The following ZNF280D variants were observed in gnomAD, a reference collection of about 807,000 sequenced individuals.
The protein encoded by ZNF280D is suppressor of hairy wing homolog 4.
ZNF280D carries 39 observed loss-of-function variants against 94.7 expected under a neutral mutation model. That is an observed-to-expected ratio of 0.41 (90% CI 0.32 to 0.54). The LOEUF (loss-of-function observed/expected upper bound fraction) is 0.54. Among genes scored for constraint, ZNF280D ranks in the 20% least tolerant of loss-of-function variants. The pLI, the probability that ZNF280D is intolerant of heterozygous loss-of-function variation, is 0.22. For missense variants in ZNF280D, 1,090 were observed against 1,149.3 expected, an observed-to-expected ratio of 0.95 and a Z score of 0.75; for synonymous variants, 398 against 377.6, an observed-to-expected ratio of 1.05 and a Z score of -0.63.
chr15:56,690,591 T>C (rs900775275), intron 7 of ZNF280D, among the ~76,000 whole-genome samples: 14 of 152,208 alleles, frequency 9.2e-5, no homozygotes, highest in African/African-American at 3.4e-4. Context: ...AAGGATTTCA[T>C]TCCTAAAAAT....
chr15:56,648,853 C>G (rs1256022191), intron 19 of ZNF280D, among the ~76,000 whole-genome samples: 1 of 151,976 alleles, frequency 6.6e-6, no homozygotes, highest in Non-Finnish European at 1.5e-5. Flanking sequence ...TTTAGTATAC[C>G]ATGTTTCCAC....
At chr15:56,689,857 T>A (rs2056320278) in intron 7 of ZNF280D, among the ~76,000 whole-genome samples, 1 of 151,932 alleles carries the variant, frequency 6.6e-6, no homozygotes, top group Non-Finnish European at 1.5e-5. Context: ...TACACTAGAG[T>A]TTGTAAAAAA....
chr15:56,704,464 T>C (rs2057278491), intron 3 of ZNF280D, among the ~76,000 whole-genome samples, 197 bp from the exon 4 acceptor site: 1 of 152,190 alleles, frequency 6.6e-6, no homozygotes, highest in African/African-American at 2.4e-5. Flanking sequence ...TAGTAAAATT[T>C]AGATAAACAG....
intron 6 of ZNF280D, chr15:56,700,110 C>A: frequency 2.5e-6 from 2 of 786,120 alleles, no homozygotes; most frequent in Non-Finnish European, 3.1e-6. Flanking sequence ...CTTGGGGAAC[C>A]CCAGGGGATT....
chr15:56,673,794 C>G (rs1245728990), intron 13 of ZNF280D, among the ~76,000 whole-genome samples: 2 of 152,024 alleles, frequency 1.3e-5, no homozygotes, highest in African/African-American at 4.8e-5. Context: ...CACCTCACTG[C>G]CTATATAATG....
Position 56,682,486 on chromosome 15 carries a change from GAAAAA to G in ZNF280D, c.781-14_781-10del, listed in dbSNP as rs760502258. ...ATGTCTGGACAACAATACTGAAAGA[GAAAAA>G]AAAAAAAAAAAAACAAGCCTTACTT... On this transcript the variant is annotated splice_polypyrimidine_tract_variant and intron_variant, in intron 9 of 21. Transcript: ENST00000267807. The G allele has an allele frequency of 1.3e-4, 64 of 506,644 alleles. No homozygotes were observed. The highest frequency in any genetic ancestry group is 2.0e-4 in the South Asian group (5 of 24,794). 31.4% of individuals were successfully genotyped at this position (506,644 alleles called of 1,614,324 possible).
Position 56,692,183 on chromosome 15 carries a change from C to T in ZNF280D, c.499+915G>A, listed in dbSNP as rs533671769. 3.3e-5 allele frequency among the ~76,000 whole-genome samples: 5 copies of T among 151,960 alleles called. No homozygotes were observed. In the South Asian group the frequency reaches 1.0e-3, roughly 32 times the overall value. ...TCTCCCTGTTTCTTTTGGTTCTTAC[C>T]TATTTCACAAACCAGATTGTTACTA... On this transcript the variant is annotated intron_variant, in intron 7 of 21. Transcript: ENST00000267807.
chr15:56,706,953 A>T, intron 3 of ZNF280D, 129 bp downstream of exon 3: 1 of 799,828 alleles, frequency 1.3e-6, no homozygotes, highest in Non-Finnish European at 2.1e-6. Flanking sequence ...TTATGTGAAC[A>T]TTTGTTACTT....
At chr15:56,648,385 G>C (rs1209579433) in intron 19 of ZNF280D, among the ~76,000 whole-genome samples, 1 of 152,006 alleles carries the variant, frequency 6.6e-6, no homozygotes, top group Admixed American at 6.6e-5. Context: ...CCAATCGTAT[G>C]ATTGTGTCAG....
intron 4 of ZNF280D, among the ~76,000 whole-genome samples, chr15:56,703,770 C>T (rs1228246263): frequency 6.6e-6 from 1 of 151,986 alleles, no homozygotes; most frequent in Admixed American, 6.6e-5. Context: ...GGGAGGATCG[C>T]TTGAGCCAAG....
At position 56,725,031 on chromosome 15, in the gene ZNF280D, T is replaced by C. The variant is rs1400654467; in HGVS notation, c.-86+8427A>G. On this transcript the variant is annotated intron_variant, in intron 1 of 21. Coordinates refer to ENST00000267807, the MANE Select transcript of ZNF280D (RefSeq NM_017661.4). ...CAGAGCAAGTAAAAAAAGCAAGAGATACGACAGAGATTAGGATTATACCTA... is the reference window on the plus strand; with the variant it reads ...CAGAGCAAGTAAAAAAAGCAAGAGACACGACAGAGATTAGGATTATACCTA... 1.7e-5 allele frequency: 6 copies of C among 352,970 alleles called. No homozygotes were observed. The East Asian group carries it at 3.0e-4, about 17-fold the overall frequency. The allele number at this position is 352,970 out of a possible 1,614,324, so 21.9% of individuals were successfully genotyped here. A position where few individuals can be genotyped will look rare whatever the true frequency, so the allele number is the denominator to read the frequency against.
intron 19 of ZNF280D, chr15:56,653,799 C>A: frequency 7.9e-7 from 1 of 1,262,598 alleles, no homozygotes; most frequent in Non-Finnish European, 9.9e-7. Flanking sequence ...AAGAAAAGAC[C>A]ATAGCAACAA....
chr15:56,731,101 G>A (rs959222732), intron 1 of ZNF280D, among the ~76,000 whole-genome samples: 2 of 152,134 alleles, frequency 1.3e-5, no homozygotes, highest in Non-Finnish European at 2.9e-5. Flanking sequence ...TCCAAGTTTA[G>A]AGAAAACAGA....
At chr15:56,662,942 G>A (rs945474701) in intron 16 of ZNF280D, among the ~76,000 whole-genome samples, 1 of 151,672 alleles carries the variant, frequency 6.6e-6, no homozygotes, top group Non-Finnish European at 1.5e-5. Flanking sequence ...GGAAGGAACA[G>A]GGTATTCTGG....
rs1240655258 is a variant in ZNF280D, at chr15:56,707,070, A to C, written c.28+12T>G. 6.2e-7 allele frequency: 1 copy of C among 1,613,728 alleles called. No individual in the cohort carries two copies. The highest frequency in any genetic ancestry group is 8.5e-7 in the Non-Finnish European group (1 of 1,179,710). On this transcript the variant is annotated intron_variant, in intron 3 of 21. Transcript: ENST00000267807. ...CACATATATTAGTATTAGTTGTGGCAGCAACACTTACTTTTTGGTTGAAAA... is the reference window on the plus strand; with the variant it reads ...CACATATATTAGTATTAGTTGTGGCCGCAACACTTACTTTTTGGTTGAAAA...
rs573761659 is a variant in ZNF280D at position 56,726,646 on chromosome 15, A to G, written c.-86+6812T>C. 3.3e-5 allele frequency among the ~76,000 whole-genome samples: 5 copies of G among 152,328 alleles called. No homozygotes were observed. In the East Asian group the frequency reaches 9.6e-4, roughly 29 times the overall value. On this transcript the variant is annotated intron_variant, in intron 1 of 21. Coordinates refer to ENST00000267807, the MANE Select transcript of ZNF280D (RefSeq NM_017661.4). ...ATCCCAACTATGCTAAAAAAATAAT[A>G]GGACTGCCTAAAAGAATAATACAAC... is the stretch of plus-strand genomic sequence containing the variant.
rs537186864 is a variant in ZNF280D, at chr15:56,713,105, C to CA, written c.-85-5800dup. 4.5e-4 allele frequency among the ~76,000 whole-genome samples: 68 copies of CA among 152,086 alleles called. No individual in the cohort carries two copies. In the East Asian group the frequency reaches 0.012, roughly 26 times the overall value. ...AAGATATAAAATCAATGAAATAATC[C>CA]AAAAAATCACATTATAAAGTTAATC... On this transcript the variant is annotated intron_variant, in intron 1 of 21. Transcript: ENST00000267807.
rs77232259 is a variant in ZNF280D at position 56,717,407 on chromosome 15, G to A, written c.-85-10101C>T. The stretch of plus-strand genomic sequence containing the variant: ...ATGGAGATTTTAAAGTTTGTCATGA[G>A]AAAGAAGGAAAGAAGGTGACTTGAA... On this transcript the variant is annotated intron_variant, in intron 1 of 21. Coordinates refer to ENST00000267807, the MANE Select transcript of ZNF280D (RefSeq NM_017661.4). Among the ~76,000 whole-genome samples, 1,053 of 152,146 alleles carry A rather than the reference G, an allele frequency of 6.9e-3. 4 individuals are homozygous for A. The highest frequency in any genetic ancestry group is 0.012 in the Non-Finnish European group (787 of 67,986).
chr15:56,669,910 T>A (rs1462157443), intron 13 of ZNF280D, among the ~76,000 whole-genome samples: 1 of 6,966 alleles, frequency 1.4e-4, no homozygotes, highest in African/African-American at 4.2e-4. Context: ...ATAATATATA[T>A]ATATTATATA....
Sources: gnomAD v4.1 joint callset for allele counts (sites outside exome capture counted in the v4.1 genomes callset) on GRCh38, gnomAD v4.1.1 for gene constraint, MANE v1.5 for transcripts, NCBI Gene and HGNC (gene_info 2026-07-23, HGNC 2026-07-21) for gene names.